Variants in CCDC93 observed in about 807,000 individuals in gnomAD.
The protein encoded by CCDC93 is CCC complex scaffolding subunit CCDC93, also known as coiled-coil domain-containing protein 93.
A neutral mutation model predicts 108.2 loss-of-function variants in CCDC93; 61 were observed. The ratio of observed to expected loss-of-function variants is 0.56; its 90% CI spans 0.46 to 0.70. The LOEUF (loss-of-function observed/expected upper bound fraction) is 0.70, where lower values mean the gene tolerates loss of function less well. Ranked by LOEUF, CCDC93 falls within the 30% of genes least tolerant of loss-of-function variation. The probability of loss-of-function intolerance (pLI) is 0.00; values close to 1 mark genes in which losing one functional copy is unlikely to be tolerated. For missense variants in CCDC93, 685 were observed against 764.2 expected (o/e 0.90, Z 1.22); for synonymous variants, 276 against 260.4 (o/e 1.06, Z -0.58).
rs1486675033 is a variant in CCDC93, at chr2:117,915,896, G to C, written c.*4447C>G. 3.9e-5 allele frequency: 6 copies of C among 152,310 alleles called. No individual in the cohort carries two copies. The highest frequency in any genetic ancestry group is 8.8e-5 in the Non-Finnish European group (6 of 68,026). 9.4% of individuals were successfully genotyped at this position (152,310 alleles called of 1,614,324 possible). On this transcript the variant is annotated 3_prime_UTR_variant, in exon 24 of 24. Coordinates refer to ENST00000376300, the MANE Select transcript of CCDC93 (RefSeq NM_019044.5). ...ATTCTATGGTAGTACACACACACAG[G>C]ATCCATTGTTTTAAATTTCTACAAA... is the stretch of plus-strand genomic sequence containing the variant.
chr2:117,943,268 T>C (rs1410368252), intron 18 of CCDC93, among the ~76,000 whole-genome samples: 1 of 152,234 alleles, frequency 6.6e-6, no homozygotes, highest in Non-Finnish European at 1.5e-5. Flanking sequence ...GGTCATCCTA[T>C]TTATTAGTTA....
chr2:118,001,604 G>GCCTCAGTCTTCCTCCAACACCTCA (rs1338058341), intron 3 of CCDC93, among the ~76,000 whole-genome samples: 2 of 152,116 alleles, frequency 1.3e-5, no homozygotes, highest in South Asian at 2.1e-4. Flanking sequence ...CTAACACCTC[G>GCCTCAGTCTTCCTCCAACACCTCA]CCTCAGTCTT....
chr2:117,931,208 G>A lies in CCDC93; in HGVS notation c.1729-58C>T, dbSNP rs547056559. On this transcript the variant is annotated intron_variant, in intron 22 of 23. Coordinates refer to ENST00000376300, the MANE Select transcript of CCDC93 (RefSeq NM_019044.5). ...AGACATGTTCTGCCCAAGGGCTACT[G>A]GCAACATCCAAAAGGCAACAGTTGT... The A allele has an allele frequency of 5.4e-5, 63 of 1,170,534 alleles. 3 individuals are homozygous for A. The South Asian group carries it at 7.6e-4, about 14-fold the overall frequency. 72.5% of individuals were successfully genotyped at this position (1,170,534 alleles called of 1,614,324 possible).
At chr2:117,986,134 A>C in intron 6 of CCDC93, 65 bp from the exon 7 acceptor site, 1 of 641,992 alleles carries the variant, frequency 1.6e-6, no homozygotes, top group Non-Finnish European at 2.8e-6. Flanking sequence ...TGGCTGCTGG[A>C]TGCCTCCAGC....
chr2:117,943,963 C>A, intron 18 of CCDC93, 61 bp downstream of exon 18: 1 of 1,153,442 alleles, frequency 8.7e-7, no homozygotes, highest in South Asian at 1.5e-5. Context: ...CTAGTTATGT[C>A]ATAGGACATT....
rs191244703 is a variant in CCDC93 at position 117,917,778 on chromosome 2, G to C, written c.*2565C>G. The C allele has an allele frequency of 2.6e-5, 4 of 152,308 alleles. No individual in the cohort carries two copies. The East Asian group carries it at 7.7e-4, about 29-fold the overall frequency. The allele number at this position is 152,308 out of a possible 1,614,324, so 9.4% of individuals were successfully genotyped here. A position where few individuals can be genotyped will look rare whatever the true frequency, so the allele number is the denominator to read the frequency against. ...TCCTGCTCACAACAGCTCTGATCGC[G>C]GCTTAAAGCAGAGCAGTCCCATGTA... On this transcript the variant is annotated 3_prime_UTR_variant, in exon 24 of 24. Coordinates refer to ENST00000376300, the MANE Select transcript of CCDC93 (RefSeq NM_019044.5).
At chr2:117,933,038 C>T (rs1678397600) in intron 22 of CCDC93, among the ~76,000 whole-genome samples, 1 of 152,198 alleles carries the variant, frequency 6.6e-6, no homozygotes, top group Non-Finnish European at 1.5e-5. Flanking sequence ...GTTAGTGTGG[C>T]AACCTAGAAA....
At chr2:117,966,994 C>T (rs1679602468) in intron 11 of CCDC93, among the ~76,000 whole-genome samples, 3 of 152,100 alleles carry the variant, frequency 2.0e-5, no homozygotes, top group African/African-American at 4.8e-5. Context: ...TATTACCTCC[C>T]ACTGCCTTTT....
At chr2:117,923,665 CCTGCCTGCCTGCCTG>C (rs1677968584) in intron 23 of CCDC93, among the ~76,000 whole-genome samples, 1 of 114,370 alleles carries the variant, frequency 8.7e-6, no homozygotes, top group Non-Finnish European at 1.8e-5. Context: ...GGCCTGCCTG[CCTGCCTGCCTGCCTG>C]CCTCTATAGA....
At chr2:117,962,379 C>T (rs1002663445) in intron 11 of CCDC93, among the ~76,000 whole-genome samples, 2 of 152,228 alleles carry the variant, frequency 1.3e-5, no homozygotes, top group South Asian at 2.1e-4. Context: ...CGCAGTGGCT[C>T]GCGCCTGTAA....
chr2:117,996,400 C>A (rs1244140647), intron 4 of CCDC93, 38 bp from the exon 5 acceptor site: 2 of 1,435,874 alleles, frequency 1.4e-6, no homozygotes, highest in African/African-American at 1.4e-5. Context: ...TTGCTAAGGA[C>A]AACATCCCAC....
chr2:117,944,404 A>G (rs1678802185), intron 17 of CCDC93, among the ~76,000 whole-genome samples: 1 of 151,732 alleles, frequency 6.6e-6, no homozygotes, highest in African/African-American at 2.4e-5. Context: ...TAGTTAAAGA[A>G]TGTGTTGTAC....
intron 23 of CCDC93, among the ~76,000 whole-genome samples, chr2:117,925,784 G>T (rs1240019586): frequency 6.6e-6 from 1 of 152,148 alleles, no homozygotes; most frequent in Admixed American, 6.5e-5. Context: ...GACATCTACA[G>T]AACTCTCCAC....
intron 12 of CCDC93, 72 bp from the exon 13 acceptor site, chr2:117,952,507 T>G (rs895075744): frequency 9.9e-6 from 11 of 1,113,872 alleles, no homozygotes; most frequent in African/African-American, 7.7e-5. Context: ...ATTTCACAGA[T>G]GAGAAAATGA....
chr2:117,960,941 G>A (rs1484173808), intron 11 of CCDC93, among the ~76,000 whole-genome samples: 1 of 152,138 alleles, frequency 6.6e-6, no homozygotes, highest in Non-Finnish European at 1.5e-5. Context: ...TACTGTCAAT[G>A]AATACGTAAG....
chr2:118,009,450 C>T (rs1392931472), intron 1 of CCDC93, among the ~76,000 whole-genome samples: 1 of 152,038 alleles, frequency 6.6e-6, no homozygotes, highest in African/African-American at 2.4e-5. Context: ...GGGTGCCGAT[C>T]ACTTGAGGTC....
At chr2:117,953,452 TTAG>T (rs1162193399) in intron 12 of CCDC93, among the ~76,000 whole-genome samples, 2 of 152,204 alleles carry the variant, frequency 1.3e-5, no homozygotes, top group Non-Finnish European at 2.9e-5. Context: ...ACAACTTTTA[TTAG>T]TCTGTTTGTG....
At chr2:117,954,898 A>C (rs1679169441) in intron 12 of CCDC93, among the ~76,000 whole-genome samples, 1 of 149,722 alleles carries the variant, frequency 6.7e-6, no homozygotes, top group Non-Finnish European at 1.5e-5. Flanking sequence ...CCCTGCTTGT[A>C]CTTCTCCTTC....
At chr2:117,974,605 TG>T (rs752257666) in intron 10 of CCDC93, among the ~76,000 whole-genome samples, 3 of 152,196 alleles carry the variant, frequency 2.0e-5, no homozygotes, top group Non-Finnish European at 4.4e-5. Flanking sequence ...GCAGAGGCCC[TG>T]TGAACCTCCC....
Sources: allele counts gnomAD v4.1 joint callset (sites outside exome capture counted in the v4.1 genomes callset), GRCh38; gene constraint gnomAD v4.1.1; transcripts MANE v1.5; gene names NCBI Gene and HGNC (gene_info 2026-07-23, HGNC 2026-07-21).